The following PARVA variants were observed in gnomAD, a reference collection of about 807,000 sequenced individuals.
PARVA encodes the protein alpha-parvin.
In PARVA, 25 loss-of-function variants were observed where a neutral mutation model predicts 52.6. The ratio of observed to expected loss-of-function variants is 0.48; its 90% CI spans 0.35 to 0.66. The LOEUF (loss-of-function observed/expected upper bound fraction) is 0.66. PARVA is among the 30% of genes least tolerant of loss of function. The probability of loss-of-function intolerance (pLI) is 0.01; values close to 1 mark genes in which losing one functional copy is unlikely to be tolerated. For synonymous variants in PARVA, 185 were observed against 179.1 expected (o/e 1.03, Z -0.26); for missense variants, 373 against 450.9 (o/e 0.83, Z 1.56).
intron 5 of PARVA, 134 bp downstream of exon 5, chr11:12,496,732 T>A: frequency 1.2e-6 from 1 of 804,738 alleles, no homozygotes. Flanking sequence ...TTGAACAAGT[T>A]GCCCCGCTTC....
chr11:12,385,972 A>C (rs1939567184), intron 1 of PARVA, among the ~76,000 whole-genome samples: 1 of 152,166 alleles, frequency 6.6e-6, no homozygotes, highest in Admixed American at 6.5e-5. Flanking sequence ...ACCATCACTA[A>C]ATATCTAAAT....
At chr11:12,448,189 G>A (rs1249997658) in intron 1 of PARVA, among the ~76,000 whole-genome samples, 3 of 152,200 alleles carry the variant, frequency 2.0e-5, no homozygotes, top group Non-Finnish European at 4.4e-5. Flanking sequence ...AGCATGGCCA[G>A]TTACCTACAA....
In PARVA at chr11:12,420,760, G is replaced by T. The variant is rs1432348634; in HGVS notation, c.136+42977G>T. On this transcript the variant is annotated intron_variant, in intron 1 of 12. Coordinates refer to ENST00000334956, the MANE Select transcript of PARVA (RefSeq NM_018222.5). ...CTTAATCTTCTTACCAATCTTGTGGGGCAAGAACCGTCATTATTCTCAATT... is the reference window on the plus strand; with the variant it reads ...CTTAATCTTCTTACCAATCTTGTGGTGCAAGAACCGTCATTATTCTCAATT... Among the ~76,000 whole-genome samples the T allele has an allele frequency of 2.0e-5, 3 of 152,052 alleles. No homozygotes were observed. In the East Asian group the frequency reaches 5.8e-4, roughly 29 times the overall value.
Position 12,513,324 on chromosome 11 carries a change from C to T in PARVA, c.762C>T (p.Phe254=), listed in dbSNP as rs367998414. ...RHERDAFDTL[F]DHAPDKLNVV... ...AACGTGATGCCTTTGACACCTTGTT[C>T]GACCATGCCCCAGACAAGCTGAATG... The change falls in exon 9 of 13, where the codon TTC becomes TTT. Residue 254 remains phenylalanine (F), a synonymous_variant. Transcript: ENST00000334956. 4.2e-5 allele frequency: 67 copies of T among 1,613,720 alleles called. No individual in the cohort carries two copies. Among genetic ancestry groups the T allele is most frequent in the Admixed American group, 4.0e-4 (24 of 60,004 alleles).
intron 1 of PARVA, among the ~76,000 whole-genome samples, chr11:12,443,933 T>G (rs527770944): frequency 6.6e-6 from 1 of 152,340 alleles, no homozygotes; most frequent in South Asian, 2.1e-4. Flanking sequence ...CCCATTTTAC[T>G]GCCTTACTAT....
intron 4 of PARVA, among the ~76,000 whole-genome samples, chr11:12,490,807 A>C (rs1479101983): frequency 1.3e-5 from 2 of 152,226 alleles, no homozygotes; most frequent in African/African-American, 4.8e-5. Flanking sequence ...ATCAGGAATT[A>C]TGTAATTGGA....
At chr11:12,524,841 TAATC>T (rs915466914) in intron 12 of PARVA, among the ~76,000 whole-genome samples, 1 of 152,238 alleles carries the variant, frequency 6.6e-6, no homozygotes, top group East Asian at 1.9e-4. Context: ...AGGCAGATGT[TAATC>T]AATAAGCATA....
rs374621526 is a variant in PARVA at position 12,413,724 on chromosome 11, G to A, written c.136+35941G>A. Among the ~76,000 whole-genome samples, 18 of 152,296 alleles carry A rather than the reference G, an allele frequency of 1.2e-4. No individual in the cohort carries two copies. The East Asian group carries it at 1.4e-3, about 11-fold the overall frequency. ...TAGGCTCCAGGGAGCTGGCACAGGC[G>A]GCTCCTTGTCCTGAAGGCTCTCTTG... On this transcript the variant is annotated intron_variant, in intron 1 of 12. Coordinates refer to ENST00000334956, the MANE Select transcript of PARVA (RefSeq NM_018222.5).
intron 5 of PARVA, among the ~76,000 whole-genome samples, chr11:12,502,558 C>T (rs1941375684): frequency 6.6e-6 from 1 of 151,286 alleles, no homozygotes; most frequent in Non-Finnish European, 1.5e-5. Flanking sequence ...TGCCTAGGTG[C>T]CAGGTAATTT....
intron 1 of PARVA, among the ~76,000 whole-genome samples, chr11:12,403,356 C>A (rs925297951): frequency 7.2e-5 from 11 of 152,172 alleles, no homozygotes; most frequent in Admixed American, 4.6e-4. Context: ...GATTAGTCCC[C>A]TAGCAGGTGA....
intron 1 of PARVA, among the ~76,000 whole-genome samples, chr11:12,432,003 G>A (rs1385418827): frequency 6.6e-6 from 1 of 152,196 alleles, no homozygotes; most frequent in Non-Finnish European, 1.5e-5. Flanking sequence ...AATCATAAAC[G>A]AAATGAAACT....
chr11:12,440,039 T>G (rs1428768860), intron 1 of PARVA, among the ~76,000 whole-genome samples: 1 of 152,250 alleles, frequency 6.6e-6, no homozygotes, highest in Non-Finnish European at 1.5e-5. Flanking sequence ...TTCCATTGTT[T>G]CTCTCCTTCA....
At chr11:12,385,282 T>C (rs1461783898) in intron 1 of PARVA, among the ~76,000 whole-genome samples, 2 of 152,106 alleles carry the variant, frequency 1.3e-5, no homozygotes, top group Admixed American at 6.5e-5. Context: ...TGAGCCATGA[T>C]CACACCACTG....
intron 1 of PARVA, among the ~76,000 whole-genome samples, chr11:12,432,571 A>G (rs1940329344): frequency 6.6e-6 from 1 of 152,226 alleles, no homozygotes; most frequent in Non-Finnish European, 1.5e-5. Flanking sequence ...GGATGGGGCA[A>G]GAAACAAGGA....
chr11:12,528,105 G>A lies in PARVA; in HGVS notation c.*180G>A. 1.6e-6 allele frequency: 1 copy of A among 608,514 alleles called. No homozygotes were observed. Among genetic ancestry groups the A allele is most frequent in the Non-Finnish European group, 3.0e-6 (1 of 337,424 alleles). The allele number at this position is 608,514 out of a possible 1,614,324, so 37.7% of individuals were successfully genotyped here. On this transcript the variant is annotated 3_prime_UTR_variant, in exon 13 of 13. Coordinates refer to ENST00000334956, the MANE Select transcript of PARVA (RefSeq NM_018222.5). Reference sequence around the variant, plus strand: ...AAGGAAATCATCAATAACTCAGTGGGCTGACCCATCCCTCCCAGGCGCTGG... The same window carrying A: ...AAGGAAATCATCAATAACTCAGTGGACTGACCCATCCCTCCCAGGCGCTGG...
At chr11:12,481,618 A>C (rs1326920452) in intron 4 of PARVA, among the ~76,000 whole-genome samples, 2 of 152,214 alleles carry the variant, frequency 1.3e-5, no homozygotes. Flanking sequence ...TGTTGTCTGC[A>C]GCATAAATAA....
At chr11:12,412,622 C>A (rs1375928857) in intron 1 of PARVA, among the ~76,000 whole-genome samples, 1 of 152,168 alleles carries the variant, frequency 6.6e-6, no homozygotes, top group Non-Finnish European at 1.5e-5. Flanking sequence ...GTAGCAAGGA[C>A]AGGATGTACC....
intron 1 of PARVA, among the ~76,000 whole-genome samples, chr11:12,449,952 G>A (rs554490685): frequency 6.3e-4 from 96 of 152,174 alleles, no homozygotes; most frequent in Non-Finnish European, 1.2e-3. Flanking sequence ...CACCACTAGC[G>A]ACTAACATTG....
intron 12 of PARVA, among the ~76,000 whole-genome samples, chr11:12,523,776 C>A (rs77868852): frequency 1.2e-4 from 19 of 152,318 alleles, no homozygotes; most frequent in East Asian, 1.2e-3. Context: ...CAGAGAGGGG[C>A]CCTGGGCCAG....
Sources: gnomAD v4.1 joint callset for allele counts (sites outside exome capture counted in the v4.1 genomes callset) on GRCh38, gnomAD v4.1.1 for gene constraint, MANE v1.5 for transcripts, NCBI Gene and HGNC (gene_info 2026-07-23, HGNC 2026-07-21) for gene names.